Variants in CAMK4 observed in about 807,000 individuals in gnomAD.
The protein encoded by CAMK4 is calcium/calmodulin dependent protein kinase IV, also known as calcium/calmodulin-dependent protein kinase type IV.
CAMK4 carries 22 observed loss-of-function variants against 44.9 expected under a neutral mutation model. The ratio of observed to expected loss-of-function variants is 0.49; its 90% confidence interval spans 0.35 to 0.70. The LOEUF is 0.70. CAMK4 is among the 30% of genes least tolerant of loss of function. The pLI is 0.01. For missense variants in CAMK4, 498 were observed against 586.8 expected, an observed-to-expected ratio of 0.85 and a Z score of 1.56; for synonymous variants, 218 against 215.4, an observed-to-expected ratio of 1.01 and a Z score of -0.11.
At chr5:111,475,344 G>A (rs966586146) in intron 8 of CAMK4, among the ~76,000 whole-genome samples, 2 of 152,214 alleles carry the variant, frequency 1.3e-5, no homozygotes, top group South Asian at 2.1e-4. Flanking sequence ...GAGGCATTAA[G>A]TATTAATGAT....
At chr5:111,329,353 A>C (rs1224714558) in intron 1 of CAMK4, among the ~76,000 whole-genome samples, 1 of 151,880 alleles carries the variant, frequency 6.6e-6, no homozygotes, top group African/African-American at 2.4e-5. Flanking sequence ...CTCCTATTCA[A>C]CATGGTGTTG....
intron 8 of CAMK4, among the ~76,000 whole-genome samples, chr5:111,476,010 A>C (rs1043375478): frequency 9.9e-5 from 15 of 152,190 alleles, no homozygotes; most frequent in African/African-American, 3.6e-4. Flanking sequence ...TAAATCTTAC[A>C]ATGAAGCTAC....
intron 1 of CAMK4, among the ~76,000 whole-genome samples, chr5:111,320,865 C>A (rs1047138410): frequency 6.6e-6 from 1 of 152,192 alleles, no homozygotes; most frequent in East Asian, 1.9e-4. Context: ...AACATCTCTG[C>A]AGTCAAGATG....
rs115940817 is a variant in CAMK4, at chr5:111,255,553, G to A, written c.161+30909G>A. Among the ~76,000 whole-genome samples, 644 of 152,246 alleles carry A rather than the reference G, an allele frequency of 4.2e-3. 5 individuals are homozygous for A. The highest frequency in any genetic ancestry group is 0.014 in the African/African-American group (600 of 41,540). On this transcript the variant is annotated intron_variant, in intron 1 of 10. Transcript: ENST00000282356. ...GTAAATTCAGTGAAGCTTTAAAAAA[G>A]CCATGATCTAAAGTTCCCTAAGATC... is the stretch of plus-strand genomic sequence containing the variant.
At chr5:111,431,905 G>A (rs1297280303) in intron 5 of CAMK4, among the ~76,000 whole-genome samples, 8 of 152,252 alleles carry the variant, frequency 5.3e-5, no homozygotes, top group African/African-American at 1.7e-4. Flanking sequence ...CTTGTACAAC[G>A]TTGTTGAGAA....
intron 5 of CAMK4, among the ~76,000 whole-genome samples, chr5:111,410,913 G>T (rs1401260039): frequency 6.6e-6 from 1 of 151,962 alleles, no homozygotes; most frequent in East Asian, 1.9e-4. Flanking sequence ...CCTAGGTGTT[G>T]GTAGAATCAT....
At chr5:111,267,516 A>C (rs1005866061) in intron 1 of CAMK4, among the ~76,000 whole-genome samples, 1 of 152,018 alleles carries the variant, frequency 6.6e-6, no homozygotes, top group Non-Finnish European at 1.5e-5. Context: ...GGAGATCGAG[A>C]CCACGGTGAA....
chr5:111,309,457 T>TTTG (rs142206693), intron 1 of CAMK4, among the ~76,000 whole-genome samples: 1 of 152,086 alleles, frequency 6.6e-6, no homozygotes, highest in East Asian at 1.9e-4. Flanking sequence ...TGTGCCCATT[T>TTTG]TTGTTGTTGT....
chr5:111,297,941 C>G (rs1747561438), intron 1 of CAMK4, among the ~76,000 whole-genome samples: 1 of 152,192 alleles, frequency 6.6e-6, no homozygotes. Context: ...TTTAACATTT[C>G]TCTGAAATTG....
chr5:111,308,250 T>TA lies in CAMK4; in HGVS notation c.162-35767dup, dbSNP rs1009074489. Reference sequence around the variant, plus strand: ...ATGTACCCTAAAACTTAGAGTATAATAAAAAAATAAAATAAAATAAATGTA... The same window carrying TA: ...ATGTACCCTAAAACTTAGAGTATAATAAAAAAAATAAAATAAAATAAATGTA... On this transcript the variant is annotated intron_variant, in intron 1 of 10. Transcript: ENST00000282356. 1.7e-3 allele frequency among the ~76,000 whole-genome samples: 241 copies of TA among 141,404 alleles called. 3 individuals are homozygous for TA. The South Asian group carries it at 0.025, about 14-fold the overall frequency. 92.8% of individuals were successfully genotyped at this position (141,404 alleles called of 152,430 possible).
At chr5:111,236,162 A>G (rs1748708195) in intron 1 of CAMK4, among the ~76,000 whole-genome samples, 1 of 152,226 alleles carries the variant, frequency 6.6e-6, no homozygotes, top group Admixed American at 6.5e-5. Context: ...ACATAAACTT[A>G]ATATTATTCC....
chr5:111,427,047 A>C (rs1356420225), intron 5 of CAMK4, among the ~76,000 whole-genome samples: 1 of 151,938 alleles, frequency 6.6e-6, no homozygotes, highest in Non-Finnish European at 1.5e-5. Flanking sequence ...TGCTGGCATC[A>C]CCCCTCCTCT....
chr5:111,236,347 C>T (rs1242188185), intron 1 of CAMK4, among the ~76,000 whole-genome samples: 1 of 152,230 alleles, frequency 6.6e-6, no homozygotes, highest in African/African-American at 2.4e-5. Context: ...GGGATATTTA[C>T]TAGGAGCTTG....
chr5:111,405,107 T>G (rs949032379), intron 5 of CAMK4, among the ~76,000 whole-genome samples: 1 of 152,216 alleles, frequency 6.6e-6, no homozygotes, highest in Non-Finnish European at 1.5e-5. Flanking sequence ...ATACGCTATT[T>G]GATGTATCTA....
intron 2 of CAMK4, among the ~76,000 whole-genome samples, chr5:111,344,454 ATAAT>A (rs1307391184): frequency 6.6e-6 from 1 of 151,550 alleles, no homozygotes; most frequent in East Asian, 2.0e-4. Context: ...ACACTATATA[ATAAT>A]TTCAATATTT....
intron 1 of CAMK4, among the ~76,000 whole-genome samples, chr5:111,341,537 C>G (rs1224351611): frequency 2.0e-5 from 3 of 150,380 alleles, no homozygotes; most frequent in Non-Finnish European, 3.0e-5. Flanking sequence ...ATTTTTGGAT[C>G]CTTTTTTAAA....
rs78410542 is a variant in CAMK4, at chr5:111,382,592, T to G, written c.386+5650T>G. Among the ~76,000 whole-genome samples the G allele has an allele frequency of 8.1e-3, 1,232 of 152,276 alleles. 14 individuals are homozygous for G. The highest frequency in any genetic ancestry group is 0.028 in the African/African-American group (1,145 of 41,564). On this transcript the variant is annotated intron_variant, in intron 4 of 10. Coordinates refer to ENST00000282356, the MANE Select transcript of CAMK4 (RefSeq NM_001744.6). The stretch of plus-strand genomic sequence containing the variant: ...GTTGCTGGCAGAGTATGCAGGGCAA[T>G]TTATTAACATGATACTATTTAATCA...
intron 3 of CAMK4, among the ~76,000 whole-genome samples, chr5:111,376,319 A>G (rs757199198): frequency 2.6e-5 from 4 of 151,914 alleles, no homozygotes; most frequent in Non-Finnish European, 2.9e-5. Flanking sequence ...TGGTATGCTC[A>G]ATCAAGTCAC....
chr5:111,466,467 A>T (rs1427020535), intron 7 of CAMK4, among the ~76,000 whole-genome samples: 2 of 152,232 alleles, frequency 1.3e-5, no homozygotes, highest in Admixed American at 1.3e-4. Context: ...TCCTGCAAAA[A>T]GCTCCTAGAT....
Sources: gnomAD v4.1 joint callset for allele counts (sites outside exome capture counted in the v4.1 genomes callset) on GRCh38, gnomAD v4.1.1 for gene constraint, MANE v1.5 for transcripts, NCBI Gene and HGNC (gene_info 2026-07-23, HGNC 2026-07-21) for gene names.